The following ELN variants were observed in gnomAD, a reference collection of about 807,000 sequenced individuals.
The protein encoded by ELN is elastin.
A neutral mutation model predicts 105.8 loss-of-function variants in ELN; 65 were observed. The ratio of observed to expected loss-of-function variants is 0.61; its 90% CI spans 0.50 to 0.75. The LOEUF is 0.75. ELN is among the 30% of genes least tolerant of loss of function. The pLI is 0.00. For synonymous variants in ELN, 368 were observed against 389.2 expected (o/e 0.95, Z 0.64); for missense variants, 882 against 969.4 (o/e 0.91, Z 1.20).
At chr7:74,064,327 A>G (rs1186305900) in intron 29 of ELN, among the ~76,000 whole-genome samples, 4 of 151,596 alleles carry the variant, frequency 2.6e-5, no homozygotes, top group Admixed American at 2.0e-4. Context: ...AGGCAGAAGA[A>G]TGGCGTGAAC....
At position 74,051,790 on chromosome 7, in the gene ELN, T is replaced by G; in HGVS notation, c.840T>G (p.Ala280=). The change falls in exon 16 of 33, where the codon GCT becomes GCG. Residue 280 remains alanine, a synonymous_variant. Coordinates refer to ENST00000252034, the MANE Select transcript of ELN (RefSeq NM_000501.4). The stretch of plus-strand genomic sequence containing the variant: ...GAGTCCTCCCTGGTGTTGGAGGGGC[T>G]GGTGTTCCTGGCGTGCCTGGGGCAA... ...AAGVLPGVGG[A]GVPGVPGAIP... The G allele has an allele frequency of 6.2e-7, 1 of 1,614,208 alleles. No individual in the cohort carries two copies. The highest frequency in any genetic ancestry group is 1.3e-5 in the African/African-American group (1 of 75,064).
intron 3 of ELN, among the ~76,000 whole-genome samples, chr7:74,037,193 C>T (rs1320760621): frequency 2.0e-5 from 3 of 148,226 alleles, no homozygotes; most frequent in Non-Finnish European, 4.5e-5. Context: ...CAGGCACCAT[C>T]TTCTTTTTTT....
intron 10 of ELN, 50 bp from the exon 11 acceptor site, chr7:74,046,138 C>T: frequency 6.2e-7 from 1 of 1,613,772 alleles, no homozygotes; most frequent in Non-Finnish European, 8.5e-7. Flanking sequence ...TGCTGTCTGG[C>T]CCAGTGTCCA....
chr7:74,053,252 C>T lies in ELN; in HGVS notation c.1039C>T (p.Pro347Ser), dbSNP rs1794498081. Residue 347 changes from proline (P) to serine (S), a missense_variant, in exon 18 of 33, where the codon CCA (proline) becomes TCA (serine). Transcript: ENST00000252034. ...PGAGVPGVGV[P>S]GAGIPVVPGA... ...AGCTGGCGTTCCAGGTGTTGGTGTC[C>T]CAGGAGCTGGGATTCCAGTTGTCCC... is the stretch of plus-strand genomic sequence containing the variant. 1 of 1,613,704 alleles carries T rather than the reference C, an allele frequency of 6.2e-7. No individual in the cohort carries two copies. Among genetic ancestry groups the T allele is most frequent in the East Asian group, 2.2e-5 (1 of 44,868 alleles).
chr7:74,037,662 G>A, intron 3 of ELN, 45 bp from the exon 4 acceptor site: 1 of 1,601,952 alleles, frequency 6.2e-7, no homozygotes, highest in South Asian at 1.1e-5. Context: ...GTAGTAGATG[G>A]ATAAGCTGGG....
intron 1 of ELN, among the ~76,000 whole-genome samples, chr7:74,031,418 T>A (rs1554662185): frequency 6.6e-6 from 1 of 152,224 alleles, no homozygotes; most frequent in Non-Finnish European, 1.5e-5. Flanking sequence ...TCATGGATCC[T>A]TGTAATTAGT....
At chr7:74,059,210 T>C (rs1288374596) in intron 22 of ELN, among the ~76,000 whole-genome samples, 2 of 152,194 alleles carry the variant, frequency 1.3e-5, no homozygotes, top group Non-Finnish European at 2.9e-5. Flanking sequence ...TTTCCCATTT[T>C]ACAGATGTGG....
chr7:74,063,251 G>T lies in ELN; in HGVS notation c.1858+27G>T, dbSNP rs372144718. 1.3e-6 allele frequency: 2 copies of T among 1,597,792 alleles called. No individual in the cohort carries two copies. Among genetic ancestry groups the T allele is most frequent in the Non-Finnish European group, 1.7e-6 (2 of 1,173,648 alleles). ...TGAGTTGAAACCCCAGGAGGGGCAGGGTGGGGAGGGAATCTAACCAGTACA... is the reference window on the plus strand; with the variant it reads ...TGAGTTGAAACCCCAGGAGGGGCAGTGTGGGGAGGGAATCTAACCAGTACA... On this transcript the variant is annotated intron_variant, in intron 27 of 32. Transcript: ENST00000252034. This position sits in a 1 kb window ranked among gnomAD's most constrained non-coding sequence, Gnocchi z 4.1.
chr7:74,057,346 G>T, intron 21 of ELN: 1 of 1,462,860 alleles, frequency 6.8e-7, no homozygotes, highest in Non-Finnish European at 9.0e-7. Context: ...AGTGAGTACT[G>T]GGAGGGGCAA....
Position 74,057,444 on chromosome 7 carries a change from G to A in ELN, c.1358-196G>A. 2 of 1,536,930 alleles carry A rather than the reference G, an allele frequency of 1.3e-6. No individual in the cohort carries two copies. The highest frequency in any genetic ancestry group is 1.7e-6 in the Non-Finnish European group (2 of 1,144,018). ...AGGTGCCCCAGGCGCAGTCCCAGGT[G>A]TGCCGGGCACGGGAGGAGTGCCAGG... On this transcript the variant is annotated intron_variant, in intron 21 of 32. Coordinates refer to ENST00000252034, the MANE Select transcript of ELN (RefSeq NM_000501.4).
chr7:74,049,957 C>T (rs1272382718), intron 15 of ELN, among the ~76,000 whole-genome samples: 6 of 150,608 alleles, frequency 4.0e-5, no homozygotes, highest in African/African-American at 1.5e-4. Flanking sequence ...CTCCCTCCAT[C>T]GATTCTTCCA....
intron 13 of ELN, 26 bp from the exon 14 acceptor site, chr7:74,048,116 G>A: frequency 1.9e-6 from 3 of 1,613,840 alleles, no homozygotes; most frequent in Non-Finnish European, 2.5e-6. Flanking sequence ...CTGCACAGAT[G>A]ACCATCAAGC....
At chr7:74,048,268 G>A in intron 14 of ELN, 67 bp downstream of exon 14, 1 of 1,606,842 alleles carries the variant, frequency 6.2e-7, no homozygotes. Context: ...GAGCCCTGGG[G>A]TGGGTGAGGT....
In ELN at chr7:74,056,386, TGTCGGAGGTGTTCCCGGA is replaced by T. The variant is rs1399456067; in HGVS notation, c.1278_1295del (p.Gly431_Gly436del). The stretch of plus-strand genomic sequence containing the variant: ...TCCCTGGAGTCGCAGGTGTCCCTGG[TGTCGGAGGTGTTCCCGGA>T]GTCGGAGGTGTCCCGGGAGTTGGCA... On this transcript the variant is annotated inframe_deletion, in exon 20 of 33. Coordinates refer to ENST00000252034, the MANE Select transcript of ELN (RefSeq NM_000501.4). 23 of 1,613,524 alleles carry T rather than the reference TGTCGGAGGTGTTCCCGGA, an allele frequency of 1.4e-5. No individual in the cohort carries two copies. Among genetic ancestry groups the T allele is most frequent in the African/African-American group, 4.0e-5 (3 of 74,866 alleles).
At chr7:74,033,923 G>A (rs1222610497) in intron 1 of ELN, among the ~76,000 whole-genome samples, 4 of 152,192 alleles carry the variant, frequency 2.6e-5, no homozygotes, top group Admixed American at 6.5e-5. Context: ...CAGGGCCCCC[G>A]GTTTGGGACC....
chr7:74,047,364 G>A (rs1031578548), intron 12 of ELN, among the ~76,000 whole-genome samples: 6 of 152,192 alleles, frequency 3.9e-5, no homozygotes, highest in Non-Finnish European at 7.3e-5. Flanking sequence ...TCGTGCTCCC[G>A]CCCCTACCTC....
intron 1 of ELN, among the ~76,000 whole-genome samples, chr7:74,034,709 A>G (rs1789519592): frequency 6.7e-6 from 1 of 149,630 alleles, no homozygotes; most frequent in Non-Finnish European, 1.5e-5. Context: ...TGTCTCAAAA[A>G]TAAAGCACTG....
Position 74,060,673 on chromosome 7 carries a change from G to A in ELN, c.1747+172G>A, listed in dbSNP as rs868988126. 5.2e-6 allele frequency: 8 copies of A among 1,525,366 alleles called. No homozygotes were observed. The South Asian group carries it at 7.3e-5, about 14-fold the overall frequency. The allele number at this position is 1,525,366 out of a possible 1,614,324, so 94.5% of individuals were successfully genotyped here. ...CAGATAGCGGGAGGAGGGCAGACCA[G>A]GCCAAGGGACCCCAGGCTGCCCAAT... On this transcript the variant is annotated intron_variant, in intron 25 of 32. Coordinates refer to ENST00000252034, the MANE Select transcript of ELN (RefSeq NM_000501.4).
At chr7:74,031,119 C>T (rs988060879) in intron 1 of ELN, among the ~76,000 whole-genome samples, 1 of 152,232 alleles carries the variant, frequency 6.6e-6, no homozygotes, top group Non-Finnish European at 1.5e-5. Flanking sequence ...CGCTCCCAAA[C>T]AGGCTGCTTC....
Sources: gnomAD v4.1 joint callset for allele counts (sites outside exome capture counted in the v4.1 genomes callset) on GRCh38, gnomAD v4.1.1 for gene constraint, Gnocchi (gnomAD v3.1) non-coding constraint, MANE v1.5 for transcripts, NCBI Gene and HGNC (gene_info 2026-07-23, HGNC 2026-07-21) for gene names.